The following ZC3H12B variants were observed in gnomAD, a reference collection of about 807,000 sequenced individuals.
The protein encoded by ZC3H12B is zinc finger CCCH-type containing 12B, also known as probable ribonuclease ZC3H12B.
In ZC3H12B, 7 loss-of-function variants were observed where a neutral mutation model predicts 43.9. That is an observed-to-expected ratio of 0.16 (90% CI 0.09 to 0.30). ZC3H12B has a LOEUF of 0.30. ZC3H12B is among the 10% of genes least tolerant of loss of function. The pLI, the probability that ZC3H12B is intolerant of heterozygous loss-of-function variation, is 1.00. For missense variants in ZC3H12B, 475 were observed against 670.2 expected (o/e 0.71, Z 3.22); for synonymous variants, 222 against 241.7 (o/e 0.92, Z 0.76).
chrX:65,318,700 G>A, the ZC3H12B span, among the ~76,000 whole-genome samples: 4 of 111,133 alleles, frequency 3.6e-5, no homozygotes, highest in East Asian at 8.5e-4. Context: ...GATTACAGGC[G>A]TGAACCACCG....
chrX:65,375,970 G>A (rs1432609547), intron 2 of ZC3H12B, among the ~76,000 whole-genome samples: 2 of 112,144 alleles, frequency 1.8e-5, no homozygotes, highest in East Asian at 5.6e-4. Flanking sequence ...GCCACAGGAG[G>A]GTAGAGTACC....
At chrX:65,093,736 T>G in the ZC3H12B span, among the ~76,000 whole-genome samples, 2 of 112,226 alleles carry the variant, frequency 1.8e-5, no homozygotes, top group Non-Finnish European at 3.8e-5. Context: ...ATAACTAATT[T>G]GCTTTTGATT....
At chrX:65,076,663 C>T in the ZC3H12B span, among the ~76,000 whole-genome samples, 1 of 107,463 alleles carries the variant, frequency 9.3e-6, no homozygotes. Context: ...CTGTTCCTCA[C>T]CTCTAATCTA....
chrX:65,350,481 A>T, the ZC3H12B span, among the ~76,000 whole-genome samples: 2 of 111,590 alleles, frequency 1.8e-5, no homozygotes, highest in Non-Finnish European at 3.8e-5. Flanking sequence ...GGCCAGGGCA[A>T]TCAGGCAAGA....
At chrX:65,414,278 G>T (rs1181505856) in intron 3 of ZC3H12B, among the ~76,000 whole-genome samples, 1 of 110,437 alleles carries the variant, frequency 9.1e-6, no homozygotes, top group Non-Finnish European at 1.9e-5. Context: ...TTTTGAGGGG[G>T]GGAAGGGTTT....
chrX:65,460,344 A>T (rs2067719672), intron 3 of ZC3H12B, among the ~76,000 whole-genome samples: 1 of 112,104 alleles, frequency 8.9e-6, no homozygotes, highest in South Asian at 3.7e-4. Context: ...TCTTCACAGA[A>T]TTGGAAAAAG....
the ZC3H12B span, among the ~76,000 whole-genome samples, chrX:65,224,293 G>A: frequency 4.4e-5 from 5 of 112,575 alleles, no homozygotes; most frequent in Non-Finnish European, 7.5e-5. Flanking sequence ...TTGAGTACTC[G>A]GGAAAGGGTC....
chrX:65,164,501 A>AT, the ZC3H12B span, among the ~76,000 whole-genome samples: 2 of 111,149 alleles, frequency 1.8e-5, no homozygotes, highest in Non-Finnish European at 1.9e-5. Flanking sequence ...TTTTTTGCCC[A>AT]TTTTTTCATT....
the ZC3H12B span, among the ~76,000 whole-genome samples, chrX:65,211,383 A>T: frequency 9.2e-6 from 1 of 109,001 alleles, no homozygotes; most frequent in East Asian, 2.8e-4. Flanking sequence ...AAAACCAAAG[A>T]GTTCCTTGGT....
chrX:65,381,157 T>A (rs1300423799), intron 2 of ZC3H12B, among the ~76,000 whole-genome samples: 12 of 111,471 alleles, frequency 1.1e-4, no homozygotes, highest in Non-Finnish European at 2.3e-4. Context: ...TACATTTTTT[T>A]CAGCACCACA....
the ZC3H12B span, among the ~76,000 whole-genome samples, chrX:65,077,859 TA>T: frequency 8.9e-6 from 1 of 112,254 alleles, no homozygotes; most frequent in East Asian, 2.8e-4. Flanking sequence ...CTCACATCTT[TA>T]GGTTGCTAAC....
chrX:65,264,695 A>G, the ZC3H12B span, among the ~76,000 whole-genome samples: 2 of 111,787 alleles, frequency 1.8e-5, no homozygotes, highest in African/African-American at 3.2e-5. Flanking sequence ...GAAGTCCAGA[A>G]AAGTGACACT....
intron 2 of ZC3H12B, among the ~76,000 whole-genome samples, chrX:65,394,849 T>C (rs756500830): frequency 5.3e-5 from 6 of 112,297 alleles, no homozygotes; most frequent in Admixed American, 9.4e-5. Flanking sequence ...GGAATGTTTT[T>C]CCATTTGTTT....
At chrX:65,301,578 C>T in the ZC3H12B span, among the ~76,000 whole-genome samples, 1 of 109,610 alleles carries the variant, frequency 9.1e-6, no homozygotes, top group South Asian at 3.8e-4. Context: ...GTATTGGAGA[C>T]AATTATTCTA....
the ZC3H12B span, among the ~76,000 whole-genome samples, chrX:65,049,244 C>T: frequency 1.8e-5 from 2 of 111,105 alleles, no homozygotes; most frequent in African/African-American, 6.5e-5. Context: ...AAATCATTCC[C>T]AAGACTGATG....
At chrX:65,403,926 G>A (rs942388895) in intron 3 of ZC3H12B, among the ~76,000 whole-genome samples, 11 of 111,608 alleles carry the variant, frequency 9.9e-5, no homozygotes, top group Non-Finnish European at 1.7e-4. Context: ...AAAAAACACC[G>A]AATACTTCAG....
chrX:65,407,484 C>T (rs886091893), intron 3 of ZC3H12B, among the ~76,000 whole-genome samples: 12 of 112,809 alleles, frequency 1.1e-4, no homozygotes, highest in African/African-American at 3.9e-4. Flanking sequence ...TTTTGCGTCC[C>T]GGGACCCTGC....
the ZC3H12B span, among the ~76,000 whole-genome samples, chrX:65,218,343 C>T: frequency 8.9e-6 from 1 of 112,370 alleles, no homozygotes; most frequent in African/African-American, 3.2e-5. Context: ...TGGATTGCCA[C>T]TGCAGGCTAC....
At chrX:65,110,483 C>G in the ZC3H12B span, among the ~76,000 whole-genome samples, 1 of 108,933 alleles carries the variant, frequency 9.2e-6, no homozygotes, top group East Asian at 2.9e-4. Context: ...ACATAAGAAT[C>G]AGATAGAGGT....
Sources: gnomAD v4.1 joint callset for allele counts (sites outside exome capture counted in the v4.1 genomes callset) on GRCh38, gnomAD v4.1.1 for gene constraint, MANE v1.5 for transcripts, NCBI Gene and HGNC (gene_info 2026-07-23, HGNC 2026-07-21) for gene names.